Variants in DIP2C observed in about 807,000 individuals in gnomAD.
The protein encoded by DIP2C is disco-interacting protein 2 homolog C.
Under a neutral mutation model 192.4 loss-of-function variants are expected in DIP2C, and 33 were observed. That is an observed-to-expected ratio of 0.17 (90% confidence interval 0.13 to 0.23). DIP2C has a LOEUF of 0.23. Among genes scored for constraint, DIP2C ranks in the 10% least tolerant of loss-of-function variants. The pLI, the probability that DIP2C is intolerant of heterozygous loss-of-function variation, is 1.00. For synonymous variants in DIP2C, 979 were observed against 864.1 expected, an observed-to-expected ratio of 1.13 and a Z score of -2.33; for missense variants, 1,537 against 2,110.1, an observed-to-expected ratio of 0.73 and a Z score of 5.32.
At chr10:579,676 T>C (rs536497306) in intron 1 of DIP2C, among the ~76,000 whole-genome samples, 18 of 152,168 alleles carry the variant, frequency 1.2e-4, no homozygotes, top group African/African-American at 4.3e-4. Flanking sequence ...TGTATGTACG[T>C]AAGTGCAGTA....
At chr10:348,842 T>C in intron 25 of DIP2C, 80 bp from the exon 26 acceptor site, 2 of 1,567,156 alleles carry the variant, frequency 1.3e-6, no homozygotes, top group Admixed American at 2.1e-5. Flanking sequence ...TCAATGCTTG[T>C]CTGGGGCAAG....
At chr10:533,269 TCAC>T (rs1214118497) in intron 1 of DIP2C, among the ~76,000 whole-genome samples, 2 of 151,990 alleles carry the variant, frequency 1.3e-5, no homozygotes, top group African/African-American at 2.4e-5. Flanking sequence ...GTTAGAATCA[TCAC>T]CACCAACACT....
intron 33 of DIP2C, among the ~76,000 whole-genome samples, chr10:287,670 A>G (rs1368481789): frequency 2.0e-4 from 4 of 19,920 alleles, no homozygotes; most frequent in African/African-American, 6.3e-4. Context: ...GCCGAAACGG[A>G]AAAAAAAAAA....
At chr10:583,534 G>A (rs1004760793) in intron 1 of DIP2C, among the ~76,000 whole-genome samples, 4 of 152,130 alleles carry the variant, frequency 2.6e-5, no homozygotes, top group African/African-American at 4.8e-5. Flanking sequence ...GGAGAGGGGC[G>A]GCTCAGAGGC....
rs533207577 is a variant in DIP2C at position 359,429 on chromosome 10, T to A, written c.2795-1492A>T. Among the ~76,000 whole-genome samples the A allele has an allele frequency of 8.5e-4, 129 of 152,300 alleles. 1 individual carries two copies. The highest frequency in any genetic ancestry group is 8.4e-3 in the Admixed American group (129 of 15,302). ...GTCTGGGCTGCTGCCTGCCGGTGCC[T>A]TGGGTTCTAGGCGACGTGTAGGAGC... is the stretch of plus-strand genomic sequence containing the variant. On this transcript the variant is annotated intron_variant, in intron 22 of 36. Coordinates refer to ENST00000280886, the MANE Select transcript of DIP2C (RefSeq NM_014974.3).
At chr10:459,202 A>AC (rs1300337709) in intron 3 of DIP2C, among the ~76,000 whole-genome samples, 3 of 146,594 alleles carry the variant, frequency 2.0e-5, no homozygotes, top group Non-Finnish European at 3.0e-5. Context: ...ACCCTCCCCC[A>AC]CCCCCAAACA....
intron 13 of DIP2C, 86 bp downstream of exon 13, chr10:389,905 T>C: frequency 9.5e-7 from 1 of 1,050,772 alleles, no homozygotes; most frequent in Middle Eastern, 2.9e-4. Flanking sequence ...GCTATTTCTA[T>C]GGCTCCTCGT....
At chr10:447,600 C>G (rs1213726826) in intron 3 of DIP2C, among the ~76,000 whole-genome samples, 1 of 143,300 alleles carries the variant, frequency 7.0e-6, no homozygotes, top group African/African-American at 2.8e-5. Flanking sequence ...CACAGTGGGG[C>G]AGCAGGACCC....
At chr10:481,344 C>G (rs1041778933) in intron 2 of DIP2C, among the ~76,000 whole-genome samples, 2 of 152,246 alleles carry the variant, frequency 1.3e-5, no homozygotes, top group African/African-American at 4.8e-5. Flanking sequence ...GGGACCTCCT[C>G]CCTCACAACT....
intron 1 of DIP2C, among the ~76,000 whole-genome samples, chr10:617,823 C>A (rs1047793794): frequency 6.6e-6 from 1 of 152,150 alleles, no homozygotes; most frequent in Non-Finnish European, 1.5e-5. Context: ...GGGTAACCGC[C>A]CCCCCAGCCC....
chr10:308,834 C>A (rs750240291), intron 32 of DIP2C, among the ~76,000 whole-genome samples: 7 of 152,208 alleles, frequency 4.6e-5, no homozygotes, highest in African/African-American at 1.7e-4. Context: ...GAGTGTGAAC[C>A]GTCAGGGCGG....
intron 34 of DIP2C, among the ~76,000 whole-genome samples, 184 bp from the exon 35 acceptor site, chr10:283,630 T>C (rs1052263552): frequency 6.6e-6 from 1 of 152,152 alleles, no homozygotes. Context: ...GATACTGAAA[T>C]AAAGGCAGTC....
intron 1 of DIP2C, among the ~76,000 whole-genome samples, chr10:558,210 G>A (rs556094034): frequency 2.0e-5 from 3 of 152,120 alleles, no homozygotes; most frequent in South Asian, 2.1e-4. Flanking sequence ...CTGAGCATGC[G>A]TCAAGCCCAG....
intron 1 of DIP2C, among the ~76,000 whole-genome samples, chr10:587,694 C>T (rs1834519945): frequency 7.4e-6 from 1 of 134,700 alleles, no homozygotes; most frequent in Admixed American, 7.2e-5. Flanking sequence ...ACATCCACAC[C>T]AGGCACTGCC....
At chr10:472,162 GA>G (rs1304602068) in intron 3 of DIP2C, among the ~76,000 whole-genome samples, 1 of 152,158 alleles carries the variant, frequency 6.6e-6, no homozygotes, top group African/African-American at 2.4e-5. Flanking sequence ...ATTTAACAGT[GA>G]CACCTAAAAA....
At chr10:554,549 C>T (rs780527338) in intron 1 of DIP2C, among the ~76,000 whole-genome samples, 118 of 152,228 alleles carry the variant, frequency 7.8e-4, no homozygotes, top group African/African-American at 2.5e-3. Flanking sequence ...GTGAATGGTG[C>T]GAGGAAGTGG....
At chr10:286,216 C>A in intron 34 of DIP2C, 57 bp downstream of exon 34, 1 of 1,553,218 alleles carries the variant, frequency 6.4e-7, no homozygotes, top group South Asian at 1.1e-5. Context: ...GGTGTCAAGG[C>A]AAGCCAAGGA....
At chr10:610,372 CTAT>C (rs1361040206) in intron 1 of DIP2C, among the ~76,000 whole-genome samples, 11 of 152,148 alleles carry the variant, frequency 7.2e-5, no homozygotes, top group Admixed American at 2.0e-4. Flanking sequence ...ACAAGATCTA[CTAT>C]TGATAAACCA....
intron 1 of DIP2C, among the ~76,000 whole-genome samples, chr10:489,866 G>A (rs4348822): frequency 0.66 from 23,008 of 34,994 alleles, 8,476 homozygotes; most frequent in Non-Finnish European, 0.85. Context: ...GACAGTGCCC[G>A]GGGCTTCCTC....
Sources: gnomAD v4.1 joint callset for allele counts (sites outside exome capture counted in the v4.1 genomes callset) on GRCh38, gnomAD v4.1.1 for gene constraint, MANE v1.5 for transcripts, NCBI Gene and HGNC (gene_info 2026-07-23, HGNC 2026-07-21) for gene names.